Variants in WWOX observed in about 807,000 individuals in gnomAD.
The protein encoded by WWOX is WW domain containing oxidoreductase.
WWOX carries 69 observed loss-of-function variants against 46.2 expected under a neutral mutation model. That is an observed-to-expected ratio of 1.49 (90% CI 1.23 to 1.82). The LOEUF (loss-of-function observed/expected upper bound fraction) is 1.82. Ranked by LOEUF, WWOX falls within the 40% of genes most tolerant of loss-of-function variation. The pLI is 0.00. For missense variants in WWOX, 919 were observed against 542.6 expected (o/e 1.69, Z -6.89); for synonymous variants, 359 against 202.6 (o/e 1.77, Z -6.56).
chr16:78,768,080 T>C (rs1156667268), intron 8 of WWOX, among the ~76,000 whole-genome samples: 1 of 152,000 alleles, frequency 6.6e-6, no homozygotes, highest in Admixed American at 6.6e-5. Flanking sequence ...ATTAGCTGTA[T>C]TGTATTCTTA....
At chr16:78,685,284 G>A (rs1416398562) in intron 8 of WWOX, among the ~76,000 whole-genome samples, 1 of 152,142 alleles carries the variant, frequency 6.6e-6, no homozygotes, top group Non-Finnish European at 1.5e-5. Flanking sequence ...CTCAAGTGAT[G>A]AGGCCTGGGG....
At chr16:78,482,047 A>C (rs1201560930) in intron 8 of WWOX, among the ~76,000 whole-genome samples, 1 of 152,080 alleles carries the variant, frequency 6.6e-6, no homozygotes, top group Non-Finnish European at 1.5e-5. Flanking sequence ...TCTAAAGAAT[A>C]ACTTAGAATG....
chr16:78,505,710 C>A (rs879799359), intron 8 of WWOX, among the ~76,000 whole-genome samples: 2 of 149,864 alleles, frequency 1.3e-5, no homozygotes, highest in South Asian at 4.1e-4. Flanking sequence ...TCTGCTCTCC[C>A]TAGCACAGGG....
chr16:79,128,595 G>C (rs1257192668), intron 8 of WWOX, among the ~76,000 whole-genome samples: 1 of 152,140 alleles, frequency 6.6e-6, no homozygotes, highest in Non-Finnish European at 1.5e-5. Context: ...TTTGATTTCA[G>C]TAGCAAATGC....
intron 8 of WWOX, among the ~76,000 whole-genome samples, chr16:78,855,973 C>A (rs1597726765): frequency 6.6e-6 from 1 of 152,170 alleles, no homozygotes; most frequent in Admixed American, 6.5e-5. Flanking sequence ...AAAGTCGGTG[C>A]ACGCACAAGG....
At chr16:78,395,672 A>G (rs1443514435) in intron 6 of WWOX, among the ~76,000 whole-genome samples, 1 of 152,170 alleles carries the variant, frequency 6.6e-6, no homozygotes, top group African/African-American at 2.4e-5. Context: ...GAGCCAAGAG[A>G]AATTATTGTT....
At chr16:78,278,152 A>T (rs2079612888) in intron 5 of WWOX, among the ~76,000 whole-genome samples, 1 of 152,106 alleles carries the variant, frequency 6.6e-6, no homozygotes, top group Non-Finnish European at 1.5e-5. Flanking sequence ...ATTGCCATTT[A>T]TATTGGAAAG....
chr16:78,207,782 G>T (rs1444565069), intron 5 of WWOX, among the ~76,000 whole-genome samples: 14 of 149,086 alleles, frequency 9.4e-5, no homozygotes, highest in Non-Finnish European at 1.3e-4. Flanking sequence ...AAAAAAAAGG[G>T]TCTGTTATCA....
intron 8 of WWOX, among the ~76,000 whole-genome samples, chr16:78,522,069 C>G (rs1199326054): frequency 6.6e-6 from 1 of 150,934 alleles, no homozygotes; most frequent in Non-Finnish European, 1.5e-5. Flanking sequence ...AAACCCACGT[C>G]TGTCTACATC....
At chr16:78,109,985 C>G in intron 3 of WWOX, 150 bp downstream of exon 3, 3 of 852,780 alleles carry the variant, frequency 3.5e-6, no homozygotes, top group Non-Finnish European at 5.6e-6. Flanking sequence ...TTTAACATCG[C>G]TGGAACTTTT....
chr16:78,425,262 G>C, intron 7 of WWOX, among the ~76,000 whole-genome samples: 1 of 152,130 alleles, frequency 6.6e-6, no homozygotes, highest in East Asian at 1.9e-4. Flanking sequence ...GAGCAAGGAA[G>C]ATTGTTTTTA....
chr16:78,251,438 G>A (rs1472443535), intron 5 of WWOX, among the ~76,000 whole-genome samples: 2 of 151,988 alleles, frequency 1.3e-5, no homozygotes, highest in Non-Finnish European at 1.5e-5. Flanking sequence ...TCAACTGCTC[G>A]TTACACAGCA....
chr16:78,864,909 T>C lies in WWOX; in HGVS notation c.1057-346699T>C, dbSNP rs2043970639. Reference sequence around the variant, plus strand: ...CCCCGAGTAGCTGGGACCACAGGCGTGCACCACCACACCTGGCTAATTTTT... The same window carrying C: ...CCCCGAGTAGCTGGGACCACAGGCGCGCACCACCACACCTGGCTAATTTTT... On this transcript the variant is annotated intron_variant, in intron 8 of 8. Coordinates refer to ENST00000566780, the MANE Select transcript of WWOX (RefSeq NM_016373.4). Among the ~76,000 whole-genome samples, 10 of 151,646 alleles carry C rather than the reference T, an allele frequency of 6.6e-5. No individual in the cohort carries two copies. In the South Asian group the frequency reaches 1.7e-3, roughly 25 times the overall value.
intron 6 of WWOX, among the ~76,000 whole-genome samples, chr16:78,400,785 TA>T: frequency 6.6e-6 from 1 of 151,766 alleles, no homozygotes; most frequent in East Asian, 1.9e-4. Flanking sequence ...AATACACTGT[TA>T]CCCCTCAATC....
intron 8 of WWOX, among the ~76,000 whole-genome samples, chr16:78,612,589 C>T (rs947070761): frequency 7.2e-5 from 11 of 152,222 alleles, no homozygotes; most frequent in Non-Finnish European, 1.0e-4. Flanking sequence ...ATTCCTCCCA[C>T]ATCAGCCTGC....
At chr16:78,971,547 A>G (rs1390034250) in intron 8 of WWOX, among the ~76,000 whole-genome samples, 1 of 152,072 alleles carries the variant, frequency 6.6e-6, no homozygotes, top group East Asian at 1.9e-4. Context: ...GGAGCACTCT[A>G]ATGGATCCCT....
In WWOX at chr16:78,793,860, G is replaced by T. The variant is rs142873040; in HGVS notation, c.1056+361108G>T. Reference sequence around the variant, plus strand: ...GGAGGCCGAGGCAGGAGAATCATTTGAGGGCAGGAGTTCAAGACCTCCTCA... The same window carrying T: ...GGAGGCCGAGGCAGGAGAATCATTTTAGGGCAGGAGTTCAAGACCTCCTCA... On this transcript the variant is annotated intron_variant, in intron 8 of 8. Coordinates refer to ENST00000566780, the MANE Select transcript of WWOX (RefSeq NM_016373.4). Among the ~76,000 whole-genome samples the T allele has an allele frequency of 3.2e-3, 494 of 152,102 alleles. 1 individual carries two copies. The highest frequency in any genetic ancestry group is 0.024 in the Middle Eastern group (7 of 294).
chr16:78,665,597 A>G (rs1026146977), intron 8 of WWOX, among the ~76,000 whole-genome samples: 1 of 152,078 alleles, frequency 6.6e-6, no homozygotes, highest in African/African-American at 2.4e-5. Flanking sequence ...AGTATTCCAG[A>G]TTCCGATTGC....
intron 8 of WWOX, among the ~76,000 whole-genome samples, chr16:78,734,722 G>T (rs1299701069): frequency 6.6e-6 from 1 of 151,742 alleles, no homozygotes; most frequent in Non-Finnish European, 1.5e-5. Flanking sequence ...GATTACAGCA[G>T]ATTGTTCTCA....
Sources: gnomAD v4.1 joint callset for allele counts (sites outside exome capture counted in the v4.1 genomes callset) on GRCh38, gnomAD v4.1.1 for gene constraint, MANE v1.5 for transcripts, NCBI Gene and HGNC (gene_info 2026-07-23, HGNC 2026-07-21) for gene names.